The following KCNIP4 variants were observed in gnomAD, a reference collection of about 807,000 sequenced individuals.
KCNIP4 encodes potassium voltage-gated channel interacting protein 4.
KCNIP4 carries 12 observed loss-of-function variants against 34.0 expected under a neutral mutation model. The ratio of observed to expected loss-of-function variants is 0.35; its 90% CI spans 0.23 to 0.57. The LOEUF (loss-of-function observed/expected upper bound fraction) is 0.57, where lower values mean the gene tolerates loss of function less well. Among genes scored for constraint, KCNIP4 ranks in the 20% least tolerant of loss-of-function variants. The pLI is 0.83. For missense variants in KCNIP4, 238 were observed against 311.7 expected, an observed-to-expected ratio of 0.76 and a Z score of 1.78; for synonymous variants, 124 against 102.2, an observed-to-expected ratio of 1.21 and a Z score of -1.29.
chr4:20,844,698 C>T (rs143549938), intron 3 of KCNIP4, among the ~76,000 whole-genome samples: 77 of 152,258 alleles, frequency 5.1e-4, no homozygotes, highest in South Asian at 1.9e-3. Context: ...ATAAATCGGA[C>T]GTAGTGCTTT....
intron 1 of KCNIP4, among the ~76,000 whole-genome samples, chr4:21,873,118 G>A (rs1432504616): frequency 6.6e-6 from 1 of 152,194 alleles, no homozygotes; most frequent in Non-Finnish European, 1.5e-5. Context: ...TATGACAGAA[G>A]TAGAGAGAAC....
chr4:21,794,966 C>A (rs773217889), intron 1 of KCNIP4, among the ~76,000 whole-genome samples: 4 of 152,116 alleles, frequency 2.6e-5, no homozygotes, highest in Non-Finnish European at 4.4e-5. Flanking sequence ...GTCTCTCCAG[C>A]CAAACCCATG....
chr4:21,480,072 A>T (rs1338618858), intron 1 of KCNIP4, among the ~76,000 whole-genome samples: 1 of 151,512 alleles, frequency 6.6e-6, no homozygotes, highest in African/African-American at 2.4e-5. Flanking sequence ...AGGAAAATTT[A>T]AATTAATCAC....
chr4:21,234,507 A>G (rs1181756522), intron 1 of KCNIP4, among the ~76,000 whole-genome samples: 3 of 125,350 alleles, frequency 2.4e-5, no homozygotes, highest in Non-Finnish European at 4.6e-5. Flanking sequence ...TATATTACAT[A>G]TAACGTATAT....
intron 1 of KCNIP4, among the ~76,000 whole-genome samples, chr4:20,974,710 T>C (rs1275691566): frequency 6.6e-6 from 1 of 152,174 alleles, no homozygotes; most frequent in Non-Finnish European, 1.5e-5. Context: ...TACATAGACG[T>C]GAGGCCCAGG....
intron 1 of KCNIP4, among the ~76,000 whole-genome samples, chr4:21,516,084 T>C (rs572088826): frequency 2.0e-5 from 3 of 152,182 alleles, no homozygotes; most frequent in Non-Finnish European, 4.4e-5. Context: ...AAGAAACTGG[T>C]TGATGAATGA....
chr4:21,554,167 G>C (rs1367741198), intron 1 of KCNIP4, among the ~76,000 whole-genome samples: 1 of 152,176 alleles, frequency 6.6e-6, no homozygotes, highest in Non-Finnish European at 1.5e-5. Flanking sequence ...TCTGAGCTAA[G>C]ATGTGACTGA....
rs200454431 is a variant in KCNIP4, at chr4:21,519,600, A to G, written c.61+428971T>C. ...TATGTGTGTGTATGTATGTGTATAT[A>G]TACACATATGTGTGTGTATGTATGT... On this transcript the variant is annotated intron_variant, in intron 1 of 8. Coordinates refer to ENST00000382152, the MANE Select transcript of KCNIP4 (RefSeq NM_025221.6). Among the ~76,000 whole-genome samples, 3 of 116,540 alleles carry G rather than the reference A, an allele frequency of 2.6e-5. 1 individual carries two copies. The South Asian group carries it at 8.2e-4, about 32-fold the overall frequency. 76.5% of individuals were successfully genotyped at this position (116,540 alleles called of 152,430 possible).
At chr4:21,946,225 G>A (rs1053247417) in intron 1 of KCNIP4, among the ~76,000 whole-genome samples, 1 of 151,636 alleles carries the variant, frequency 6.6e-6, no homozygotes, top group Admixed American at 6.6e-5. Flanking sequence ...ATACACGTAC[G>A]CACACAGACT....
chr4:20,930,311 A>T (rs1730325000), intron 1 of KCNIP4, among the ~76,000 whole-genome samples: 1 of 152,070 alleles, frequency 6.6e-6, no homozygotes, highest in South Asian at 2.1e-4. Flanking sequence ...TGCAACATGC[A>T]GAAGAATGAA....
chr4:21,611,402 C>A (rs1403019625), intron 1 of KCNIP4, among the ~76,000 whole-genome samples: 1 of 152,094 alleles, frequency 6.6e-6, no homozygotes, highest in African/African-American at 2.4e-5. Context: ...ATCTCAAGAA[C>A]AGCATGGGGG....
At chr4:21,411,837 C>CA (rs1409222564) in intron 1 of KCNIP4, among the ~76,000 whole-genome samples, 2 of 151,904 alleles carry the variant, frequency 1.3e-5, no homozygotes, top group African/African-American at 4.8e-5. Flanking sequence ...GATCCCGTCT[C>CA]AAAAAAATAA....
intron 1 of KCNIP4, among the ~76,000 whole-genome samples, chr4:21,775,894 T>C (rs112610711): frequency 0.057 from 8,620 of 152,206 alleles, 817 homozygotes; most frequent in African/African-American, 0.19. Context: ...TAGTTGTGAG[T>C]CCCAGCGCTG....
At chr4:21,914,326 G>T (rs751951542) in intron 1 of KCNIP4, among the ~76,000 whole-genome samples, 3 of 152,112 alleles carry the variant, frequency 2.0e-5, no homozygotes, top group Non-Finnish European at 4.4e-5. Flanking sequence ...TTGGATGTGT[G>T]CATAGGGGTG....
At chr4:21,380,860 G>A (rs1357874252) in intron 1 of KCNIP4, among the ~76,000 whole-genome samples, 1 of 142,370 alleles carries the variant, frequency 7.0e-6, no homozygotes, top group Non-Finnish European at 1.6e-5. Context: ...ACACACACAC[G>A]AATTGGCTTG....
chr4:20,873,227 C>T (rs942651499), intron 2 of KCNIP4, among the ~76,000 whole-genome samples: 2 of 152,130 alleles, frequency 1.3e-5, no homozygotes, highest in African/African-American at 4.8e-5. Context: ...AAAATCCCTG[C>T]TTTGATGTGT....
intron 1 of KCNIP4, among the ~76,000 whole-genome samples, chr4:21,008,562 C>T (rs571437525): frequency 9.9e-5 from 15 of 151,078 alleles, no homozygotes; most frequent in African/African-American, 3.2e-4. Context: ...CTCGCTCTGT[C>T]GCCCAGGTTG....
At chr4:21,159,035 A>G (rs1330598288) in intron 1 of KCNIP4, among the ~76,000 whole-genome samples, 1 of 152,144 alleles carries the variant, frequency 6.6e-6, no homozygotes, top group African/African-American at 2.4e-5. Flanking sequence ...CCCCAAATTG[A>G]TTTACAGAGT....
intron 8 of KCNIP4, 113 bp downstream of exon 8, chr4:20,731,893 A>AAACTT: frequency 6.7e-6 from 10 of 1,486,730 alleles, no homozygotes; most frequent in Non-Finnish European, 8.9e-6. Context: ...TAGAAGTGGT[A>AAACTT]AACTTAGGCA....
Sources: gnomAD v4.1 joint callset for allele counts (sites outside exome capture counted in the v4.1 genomes callset) on GRCh38, gnomAD v4.1.1 for gene constraint, MANE v1.5 for transcripts, NCBI Gene and HGNC (gene_info 2026-07-23, HGNC 2026-07-21) for gene names.